The following TNS3 variants were observed in gnomAD, a reference collection of about 807,000 sequenced individuals.
TNS3 encodes the protein tensin-3.
A neutral mutation model predicts 140.9 loss-of-function variants in TNS3; 45 were observed. The observed-to-expected ratio is 0.32, with a 90% CI of 0.25 to 0.41. The LOEUF is 0.41. Ranked by LOEUF, TNS3 falls within the 10% of genes least tolerant of loss-of-function variation. The pLI, the probability that TNS3 is intolerant of heterozygous loss-of-function variation, is 1.00. For missense variants in TNS3, 1,716 were observed against 1,906.7 expected, an observed-to-expected ratio of 0.90 and a Z score of 1.86; for synonymous variants, 815 against 788.4, an observed-to-expected ratio of 1.03 and a Z score of -0.56.
At chr7:47,380,764 G>A (rs561363944) in intron 16 of TNS3, among the ~76,000 whole-genome samples, 31 of 136,908 alleles carry the variant, frequency 2.3e-4, no homozygotes, top group African/African-American at 6.4e-4. Context: ...ACATATGCAC[G>A]CGCGCGCACA....
chr7:47,525,157 A>T (rs1799146157), intron 2 of TNS3, among the ~76,000 whole-genome samples: 1 of 152,172 alleles, frequency 6.6e-6, no homozygotes, highest in Non-Finnish European at 1.5e-5. Flanking sequence ...CTGCTTGTCC[A>T]TGTTGGGTAC....
At chr7:47,434,490 AAG>A (rs1795078710) in intron 8 of TNS3, among the ~76,000 whole-genome samples, 1 of 152,192 alleles carries the variant, frequency 6.6e-6, no homozygotes, top group African/African-American at 2.4e-5. Context: ...TGACTGGAAT[AAG>A]AGCTTTTCTC....
chr7:47,303,809 T>A (rs1375904429), intron 21 of TNS3, among the ~76,000 whole-genome samples: 1 of 152,202 alleles, frequency 6.6e-6, no homozygotes, highest in African/African-American at 2.4e-5. Flanking sequence ...GCAGCCCGCA[T>A]GAGGGCACCC....
chr7:47,396,394 A>G (rs1299837700), intron 16 of TNS3, among the ~76,000 whole-genome samples: 2 of 152,248 alleles, frequency 1.3e-5, no homozygotes, highest in African/African-American at 2.4e-5. Flanking sequence ...AAATTAAAAC[A>G]AGATGTCTGT....
Position 47,369,021 on chromosome 7 carries a change from C to G in TNS3, c.1625G>C (p.Gly542Ala). 6.2e-7 allele frequency: 1 copy of G among 1,614,042 alleles called. No homozygotes were observed. The highest frequency in any genetic ancestry group is 8.5e-7 in the Non-Finnish European group (1 of 1,180,036). ...DPQGTLVPDL[G>A]LGMDGPYERE... is the part of the protein sequence containing the mutation. Reference sequence around the variant, plus strand: ...CTCATAGGGGCCGTCCATGCCAAGGCCCAGGTCCGGAACGAGGGTGCCCTG... The same window carrying G: ...CTCATAGGGGCCGTCCATGCCAAGGGCCAGGTCCGGAACGAGGGTGCCCTG... The change falls in exon 17 of 31, where the codon GGC (glycine) becomes GCC (alanine). Residue 542 changes from glycine to alanine, a missense_variant. Transcript: ENST00000311160.
rs1167454390 is a variant in TNS3, at chr7:47,389,080, A to AGAAGAG, written c.1024+7714_1024+7719dup. Among the ~76,000 whole-genome samples the AGAAGAG allele has an allele frequency of 1.3e-3, 88 of 65,840 alleles. 13 individuals carry two copies. Among genetic ancestry groups the AGAAGAG allele is most frequent in the African/African-American group, 4.9e-3 (75 of 15,196 alleles). The allele number at this position is 65,840 out of a possible 152,430, so 43.2% of individuals were successfully genotyped here. A position where few individuals can be genotyped will look rare whatever the true frequency, so the allele number is the denominator to read the frequency against. On this transcript the variant is annotated intron_variant, in intron 16 of 30. Coordinates refer to ENST00000311160, the MANE Select transcript of TNS3 (RefSeq NM_022748.12). ...AAGAAGAAGAAGAAGAAGAAGAAGAAGAAGAGGAAGAGGAAGAGGAAGCGG... is the reference window on the plus strand; with the variant it reads ...AAGAAGAAGAAGAAGAAGAAGAAGAAGAAGAGGAAGAGGAAGAGGAAGAGGAAGCGG...
chr7:47,537,964 G>GC (rs1584831798), intron 1 of TNS3, among the ~76,000 whole-genome samples: 2 of 115,374 alleles, frequency 1.7e-5, no homozygotes, highest in Non-Finnish European at 1.8e-5. Flanking sequence ...CTCCCTCACC[G>GC]CACCCCCCCC....
chr7:47,292,725 A>G, intron 26 of TNS3, 103 bp downstream of exon 26: 1 of 1,049,454 alleles, frequency 9.5e-7, no homozygotes. Context: ...AAAAACTTCC[A>G]GTCTTATTAT....
At chr7:47,285,385 C>T (rs1785361547) in intron 27 of TNS3, among the ~76,000 whole-genome samples, 1 of 152,180 alleles carries the variant, frequency 6.6e-6, no homozygotes, top group South Asian at 2.1e-4. Context: ...GTAATTGAAT[C>T]ATGGGGGTGG....
chr7:47,375,255 G>C (rs181427701), intron 16 of TNS3, among the ~76,000 whole-genome samples: 1 of 152,080 alleles, frequency 6.6e-6, no homozygotes, highest in Non-Finnish European at 1.5e-5. Flanking sequence ...CATCCCATTC[G>C]GTGTCCCCTT....
chr7:47,335,019 AT>A (rs1340932961), intron 20 of TNS3, among the ~76,000 whole-genome samples: 1 of 152,152 alleles, frequency 6.6e-6, no homozygotes, highest in Non-Finnish European at 1.5e-5. Flanking sequence ...TACATCTTAC[AT>A]TTCATAATTT....
chr7:47,582,540 T>C (rs1367130561), upstream of TNS3: 1 of 455,240 alleles, frequency 2.2e-6, no homozygotes, highest in South Asian at 1.6e-5. Flanking sequence ...CTGTAGCTCA[T>C]AGCCTAGTGG....
At chr7:47,535,407 G>A (rs1799564167) in intron 1 of TNS3, among the ~76,000 whole-genome samples, 1 of 152,236 alleles carries the variant, frequency 6.6e-6, no homozygotes, top group East Asian at 1.9e-4. Context: ...GATCTCTGAG[G>A]AGTTCATTTA....
chr7:47,484,956 G>A (rs976624381), intron 3 of TNS3, among the ~76,000 whole-genome samples: 1 of 152,208 alleles, frequency 6.6e-6, no homozygotes, highest in Non-Finnish European at 1.5e-5. Context: ...ATGCCAGTCT[G>A]ACTTATTCAG....
At position 47,419,984 on chromosome 7, in the gene TNS3, G is replaced by A. The variant is rs551961259; in HGVS notation, c.473+4117C>T. 3.3e-5 allele frequency among the ~76,000 whole-genome samples: 5 copies of A among 152,272 alleles called. No individual in the cohort carries two copies. The East Asian group carries it at 9.7e-4, about 29-fold the overall frequency. ...TCTGGTCTCCTGTTCAGCCAGCTCT[G>A]CATGAATTAAACTCTTTCTCTACTG... On this transcript the variant is annotated intron_variant, in intron 10 of 30. Transcript: ENST00000311160.
intron 3 of TNS3, among the ~76,000 whole-genome samples, chr7:47,485,309 G>A (rs1388863875): frequency 6.6e-6 from 1 of 152,224 alleles, no homozygotes; most frequent in African/African-American, 2.4e-5. Context: ...ACACGAAACA[G>A]TGCCCTGTCT....
intron 1 of TNS3, among the ~76,000 whole-genome samples, chr7:47,554,214 T>C (rs1800136123): frequency 1.4e-5 from 2 of 147,692 alleles, no homozygotes; most frequent in South Asian, 4.4e-4. Flanking sequence ...AGGTCAGGAG[T>C]TCAAGACCTA....
intron 1 of TNS3, among the ~76,000 whole-genome samples, chr7:47,576,429 G>T (rs1800677250): frequency 6.6e-6 from 1 of 152,206 alleles, no homozygotes; most frequent in Non-Finnish European, 1.5e-5. Context: ...TCAGGACAAA[G>T]GACAGTTCTG....
intron 20 of TNS3, among the ~76,000 whole-genome samples, chr7:47,316,236 A>G (rs893991592): frequency 2.0e-5 from 3 of 152,048 alleles, no homozygotes; most frequent in African/African-American, 4.8e-5. Flanking sequence ...AGTTCTAAAA[A>G]AATGGAACAT....
Sources: gnomAD v4.1 joint callset for allele counts (sites outside exome capture counted in the v4.1 genomes callset) on GRCh38, gnomAD v4.1.1 for gene constraint, MANE v1.5 for transcripts, NCBI Gene and HGNC (gene_info 2026-07-23, HGNC 2026-07-21) for gene names.